Variants in PRELID2 observed in about 807,000 individuals in gnomAD.
PRELID2 encodes PRELI domain containing 2.
In PRELID2, 25 loss-of-function variants were observed where a neutral mutation model predicts 28.4. That is an observed-to-expected ratio of 0.88 (90% CI 0.64 to 1.23). The LOEUF is 1.23. PRELID2 is among the 50% of genes most tolerant of loss of function. The pLI is 0.00. For missense variants in PRELID2, 201 were observed against 214.4 expected (o/e 0.94, Z 0.39); for synonymous variants, 76 against 71.6 (o/e 1.06, Z -0.31).
At chr5:145,448,801 A>G in the PRELID2 span, among the ~76,000 whole-genome samples, 1 of 152,114 alleles carries the variant, frequency 6.6e-6, no homozygotes, top group Non-Finnish European at 1.5e-5. Context: ...AATTTAGATA[A>G]AGTGTGTCAA....
At chr5:145,293,517 T>C in the PRELID2 span, among the ~76,000 whole-genome samples, 1 of 152,176 alleles carries the variant, frequency 6.6e-6, no homozygotes, top group Non-Finnish European at 1.5e-5. Flanking sequence ...AGAATAGGCA[T>C]AAAAGCTCAG....
chr5:145,670,890 G>A (rs563177800), intron 1 of PRELID2, among the ~76,000 whole-genome samples: 6 of 152,264 alleles, frequency 3.9e-5, no homozygotes, highest in South Asian at 4.1e-4. Context: ...GCAGTACAGC[G>A]TATGATTAAA....
At chr5:145,257,488 T>C in the PRELID2 span, among the ~76,000 whole-genome samples, 2,274 of 152,220 alleles carry the variant, frequency 0.015, 64 homozygotes, top group African/African-American at 0.052. Context: ...GTAGGACTTA[T>C]AGAATCCACA....
intron 1 of PRELID2, among the ~76,000 whole-genome samples, chr5:145,742,183 TATATATAAATAATA>T (rs1273819727): frequency 1.4e-4 from 8 of 59,108 alleles, no homozygotes; most frequent in African/African-American, 3.8e-4. Context: ...ATTATAAATT[TATATATAAATAATA>T]ATATATAAAT....
chr5:145,754,272 A>G (rs1267646784), downstream of PRELID2: 1 of 152,162 alleles, frequency 6.6e-6, no homozygotes, highest in Non-Finnish European at 1.5e-5. Flanking sequence ...CCCTTCTCTC[A>G]CTCAGACATT....
At chr5:145,230,711 G>T in the PRELID2 span, among the ~76,000 whole-genome samples, 1 of 152,194 alleles carries the variant, frequency 6.6e-6, no homozygotes, top group African/African-American at 2.4e-5. Context: ...GCATATCTGT[G>T]GGTCTGAAAT....
chr5:145,530,791 G>A (rs1752648605), intron 1 of PRELID2, among the ~76,000 whole-genome samples: 1 of 152,012 alleles, frequency 6.6e-6, no homozygotes, highest in Non-Finnish European at 1.5e-5. Context: ...GTCGTGGGTG[G>A]GGGCAGGAGA....
the PRELID2 span, among the ~76,000 whole-genome samples, chr5:145,236,516 C>A: frequency 6.6e-6 from 1 of 152,108 alleles, no homozygotes; most frequent in Non-Finnish European, 1.5e-5. Context: ...AAGGACATGC[C>A]AACTGTAACT....
At chr5:145,421,508 A>C in the PRELID2 span, among the ~76,000 whole-genome samples, 5 of 148,958 alleles carry the variant, frequency 3.4e-5, no homozygotes, top group East Asian at 7.8e-4. Context: ...TAGATTTTCT[A>C]GTTTATTTGC....
intron 5 of PRELID2, among the ~76,000 whole-genome samples, chr5:145,774,018 GTCT>G (rs981603475): frequency 1.3e-5 from 2 of 152,174 alleles, no homozygotes; most frequent in African/African-American, 4.8e-5. Flanking sequence ...AGTCTACTGT[GTCT>G]TCAAGTCAGG....
At chr5:145,526,995 A>G (rs1195679672) in intron 1 of PRELID2, among the ~76,000 whole-genome samples, 1 of 152,206 alleles carries the variant, frequency 6.6e-6, no homozygotes, top group African/African-American at 2.4e-5. Flanking sequence ...GATGAAAAAG[A>G]ATACTCACCA....
rs1229450545 is a variant in PRELID2, at chr5:145,835,251, T to TCCCCGCGCGCCGCGGG, written c.-16_-1dup. The TCCCCGCGCGCCGCGGG allele has an allele frequency of 2.5e-4, 386 of 1,542,962 alleles. 1 individual carries two copies. Among genetic ancestry groups the TCCCCGCGCGCCGCGGG allele is most frequent in the Non-Finnish European group, 3.3e-4 (373 of 1,141,522 alleles). Reference sequence around the variant, plus strand: ...TGGTGCACATCCACCGAGACCCCCATCCCCGCGCGCCGCGGGCCCCGCGCA... The same window carrying TCCCCGCGCGCCGCGGG: ...TGGTGCACATCCACCGAGACCCCCATCCCCGCGCGCCGCGGGCCCCGCGCGCCGCGGGCCCCGCGCA... On this transcript the variant is annotated 5_prime_UTR_variant, in exon 1 of 7. Coordinates refer to ENST00000683046, the MANE Select transcript of PRELID2 (RefSeq NM_205846.3).
the PRELID2 span, among the ~76,000 whole-genome samples, chr5:145,256,242 C>G: frequency 1.3e-5 from 2 of 151,992 alleles, no homozygotes; most frequent in African/African-American, 4.8e-5. Context: ...CTGAATCTCT[C>G]TCACATCTTA....
At chr5:145,414,157 C>CTAGT in the PRELID2 span, among the ~76,000 whole-genome samples, 2 of 152,264 alleles carry the variant, frequency 1.3e-5, no homozygotes, top group East Asian at 1.9e-4. Context: ...CCCTTCCTCC[C>CTAGT]TAGTTGGTCA....
the PRELID2 span, among the ~76,000 whole-genome samples, chr5:145,287,783 A>T: frequency 6.6e-6 from 1 of 152,056 alleles, no homozygotes; most frequent in Non-Finnish European, 1.5e-5. Flanking sequence ...GTTGTACCTG[A>T]TGTTCTTTTT....
Position 145,670,771 on chromosome 5 carries a change from A to G in PRELID2, n.70+94160T>C, listed in dbSNP as rs115450171. Among the ~76,000 whole-genome samples the G allele has an allele frequency of 5.3e-3, 807 of 152,238 alleles. 7 individuals carry two copies. The highest frequency in any genetic ancestry group is 0.01 in the Middle Eastern group (3 of 294). ...CTAAGGAGTTGGACTCACCTCCAGG[A>G]TCTTTATAACTGATGCATGGTGTAG... On this transcript the variant is annotated intron_variant and non_coding_transcript_variant, in intron 1 of 2. Transcript: ENST00000510259.
chr5:145,332,171 T>G, the PRELID2 span, among the ~76,000 whole-genome samples: 2 of 152,204 alleles, frequency 1.3e-5, no homozygotes, highest in African/African-American at 4.8e-5. Flanking sequence ...GTGGGTGACC[T>G]TACCTTTCTC....
chr5:145,465,715 G>A, the PRELID2 span, among the ~76,000 whole-genome samples: 3 of 151,976 alleles, frequency 2.0e-5, no homozygotes, highest in African/African-American at 7.2e-5. Context: ...GCCAAACAGT[G>A]AGTGAGTGCT....
At chr5:145,244,984 T>A in the PRELID2 span, among the ~76,000 whole-genome samples, 1 of 152,124 alleles carries the variant, frequency 6.6e-6, no homozygotes, top group Admixed American at 6.6e-5. Flanking sequence ...ATTCAAAGCA[T>A]CTCTTTTTGT....
Sources: allele counts gnomAD v4.1 joint callset (sites outside exome capture counted in the v4.1 genomes callset), GRCh38; gene constraint gnomAD v4.1.1; transcripts MANE v1.5; gene names NCBI Gene and HGNC (gene_info 2026-07-23, HGNC 2026-07-21).